Variants in PIGF observed in about 807,000 individuals in gnomAD.
The protein encoded by PIGF is phosphatidylinositol glycan anchor biosynthesis class F, also known as GPI ethanolamine phosphate transferase, stabilizing subunit.
A neutral mutation model predicts 26.0 loss-of-function variants in PIGF; 23 were observed. The ratio of observed to expected loss-of-function variants is 0.88; its 90% confidence interval spans 0.64 to 1.25. PIGF has a LOEUF of 1.25. PIGF is among the 50% of genes most tolerant of loss of function. PIGF has a pLI of 0.00. For missense variants in PIGF, 278 were observed against 249.9 expected, an observed-to-expected ratio of 1.11 and a Z score of -0.76; for synonymous variants, 93 against 92.6, an observed-to-expected ratio of 1.00 and a Z score of -0.03.
At chr2:46,603,080 A>C (rs2104111706) in intron 4 of PIGF, among the ~76,000 whole-genome samples, 1 of 152,156 alleles carries the variant, frequency 6.6e-6, no homozygotes, top group African/African-American at 2.4e-5. Context: ...AAATAATCTG[A>C]AAAAGAAATA....
chr2:46,603,315 C>T (rs1041853528), intron 4 of PIGF, among the ~76,000 whole-genome samples: 14 of 152,022 alleles, frequency 9.2e-5, no homozygotes, highest in Non-Finnish European at 1.2e-4. Context: ...AATGCAATCC[C>T]TATCAAAATA....
chr2:46,607,974 A>G (rs1670278258), intron 4 of PIGF, among the ~76,000 whole-genome samples: 1 of 152,202 alleles, frequency 6.6e-6, no homozygotes, highest in Non-Finnish European at 1.5e-5. Context: ...CTGGGATTAC[A>G]GGCACGACCC....
intron 2 of PIGF, chr2:46,614,078 A>G (rs1289269866): frequency 4.4e-6 from 1 of 228,802 alleles, no homozygotes; most frequent in Non-Finnish European, 8.5e-6. Context: ...GTCATTAATC[A>G]ATATTTATCA....
In PIGF at chr2:46,615,174, T is replaced by C. The variant is rs1280488150; in HGVS notation, c.-10A>G. The C allele has an allele frequency of 3.9e-6, 5 of 1,286,348 alleles. No homozygotes were observed. Among genetic ancestry groups the C allele is most frequent in the Non-Finnish European group, 5.6e-6 (5 of 889,268 alleles). The allele number at this position is 1,286,348 out of a possible 1,614,324, so 79.7% of individuals were successfully genotyped here. A position where few individuals can be genotyped will look rare whatever the true frequency, so the allele number is the denominator to read the frequency against. On this transcript the variant is annotated 5_prime_UTR_variant, in exon 2 of 6. Transcript: ENST00000281382. ...TATCGTTATCTTTCATGGTGTTTTC[T>C]TGGATGGCTAGCTAACAAAAAACAA...
intron 1 of PIGF, 120 bp from the exon 2 acceptor site, chr2:46,615,305 A>G (rs1014357764): frequency 3.5e-6 from 2 of 577,250 alleles, no homozygotes; most frequent in African/African-American, 3.7e-5. Flanking sequence ...TATTTGTTTC[A>G]AAACACAAAA....
At chr2:46,591,520 G>A (rs1299991956) in intron 5 of PIGF, 1 of 878,794 alleles carries the variant, frequency 1.1e-6, no homozygotes, top group Admixed American at 6.2e-5. Flanking sequence ...AATTCTTTTT[G>A]GGAGTAATTA....
chr2:46,609,300 A>T (rs11894342), intron 4 of PIGF, among the ~76,000 whole-genome samples: 73,978 of 152,062 alleles, frequency 0.49, 19,248 homozygotes, highest in African/African-American at 0.68. Flanking sequence ...CTTCACAGAA[A>T]TGAAGAGAGT....
intron 5 of PIGF, chr2:46,591,707 C>G (rs1572770232): frequency 9.1e-7 from 1 of 1,093,336 alleles, no homozygotes; most frequent in Non-Finnish European, 1.1e-6. Flanking sequence ...GATAAAGATA[C>G]AGTCATCACT....
chr2:46,591,795 G>A (rs2104077285), intron 5 of PIGF: 1 of 1,267,836 alleles, frequency 7.9e-7, no homozygotes, highest in Middle Eastern at 2.4e-4. Context: ...TATAAAAAGA[G>A]CACTTACCTC....
rs1288943062 is a variant in PIGF at position 46,615,016 on chromosome 2, A to G, written c.149T>C (p.Phe50Ser). 1 of 1,609,656 alleles carries G rather than the reference A, an allele frequency of 6.2e-7. No homozygotes were observed. The highest frequency in any genetic ancestry group is 8.5e-7 in the Non-Finnish European group (1 of 1,176,030). The change falls in exon 2 of 6, where the codon TTT becomes TCT. Residue 50 changes from phenylalanine to serine, a missense_variant. By Grantham distance (155) the Phe-to-Ser change is radical. Transcript: ENST00000281382. ...TAGTACTAGATTGACAGCAGTTACA[A>G]AACCAGAACAGATGCACAACCATGT... Reference protein sequence around the residue: ...HLTWLCICSGFVTAVNLVLYL... With the variant: ...HLTWLCICSGSVTAVNLVLYL...
intron 4 of PIGF, among the ~76,000 whole-genome samples, chr2:46,593,130 C>A (rs185735017): frequency 7.6e-6 from 1 of 131,588 alleles, no homozygotes; most frequent in Non-Finnish European, 1.6e-5. Flanking sequence ...TTCAACCAGT[C>A]TTTCTTTTTT....
intron 4 of PIGF, among the ~76,000 whole-genome samples, chr2:46,609,874 A>G (rs2104132290): frequency 6.6e-6 from 1 of 152,322 alleles, no homozygotes; most frequent in Admixed American, 6.5e-5. Context: ...ATATAATAAT[A>G]ATGAAAAAGC....
chr2:46,590,423 C>T (rs1415568818), intron 5 of PIGF, among the ~76,000 whole-genome samples: 1 of 151,976 alleles, frequency 6.6e-6, no homozygotes, highest in Non-Finnish European at 1.5e-5. Flanking sequence ...TATATTCATT[C>T]CTCTTAGTTC....
intron 4 of PIGF, 139 bp from the exon 5 acceptor site, chr2:46,592,722 T>C (rs539576002): frequency 1.7e-5 from 10 of 588,088 alleles, no homozygotes; most frequent in South Asian, 6.3e-5. Flanking sequence ...CATATACATA[T>C]TTACCATGAA....
chr2:46,605,491 T>C (rs1323399912), intron 4 of PIGF, among the ~76,000 whole-genome samples: 1 of 152,146 alleles, frequency 6.6e-6, no homozygotes, highest in African/African-American at 2.4e-5. Flanking sequence ...AAATGCTCCC[T>C]GACATTTTTT....
Position 46,588,223 on chromosome 2 carries a change from C to A in PIGF, c.546+4252G>T. ...TTGAAAATTATGTGAAATCCAAATA[C>A]CCTAAATTGGCATAACTAAATACCA... On this transcript the variant is annotated intron_variant, in intron 5 of 5. Transcript: ENST00000281382. The surrounding 1 kb of genome is among the most constrained non-coding windows in gnomAD (Gnocchi z 4.1). The A allele has an allele frequency of 2.5e-6, 4 of 1,604,326 alleles. 1 individual carries two copies. The South Asian group carries it at 4.5e-5, about 18-fold the overall frequency.
chr2:46,591,522 G>A (rs775838754), intron 5 of PIGF: 13 of 881,596 alleles, frequency 1.5e-5, no homozygotes, highest in Non-Finnish European at 1.6e-5. Context: ...TTCTTTTTGG[G>A]AGTAATTACT....
At chr2:46,591,861 C>A in intron 5 of PIGF, 3 of 1,303,462 alleles carry the variant, frequency 2.3e-6, no homozygotes, top group Non-Finnish European at 3.0e-6. Flanking sequence ...GACGAAAAAT[C>A]TGATGTTTGT....
intron 4 of PIGF, among the ~76,000 whole-genome samples, chr2:46,600,364 AC>A (rs1446286008): frequency 6.6e-6 from 1 of 152,220 alleles, no homozygotes. Flanking sequence ...AATCTAGTCT[AC>A]AAAAACCTTT....
Sources: gnomAD v4.1 joint callset for allele counts (sites outside exome capture counted in the v4.1 genomes callset) on GRCh38, gnomAD v4.1.1 for gene constraint, Gnocchi (gnomAD v3.1) non-coding constraint, MANE v1.5 for transcripts, NCBI Gene and HGNC (gene_info 2026-07-23, HGNC 2026-07-21) for gene names.